The following ZNF18 variants were observed in gnomAD, a reference collection of about 807,000 sequenced individuals.
ZNF18 encodes zinc finger protein 18.
Under a neutral mutation model 58.1 loss-of-function variants are expected in ZNF18, and 42 were observed. That is an observed-to-expected ratio of 0.72 (90% CI 0.56 to 0.93). The LOEUF (loss-of-function observed/expected upper bound fraction) is 0.93, where lower values mean the gene tolerates loss of function less well. Among genes scored for constraint, ZNF18 ranks in the 40% least tolerant of loss-of-function variants. The probability of loss-of-function intolerance (pLI) is 0.00; values close to 1 mark genes in which losing one functional copy is unlikely to be tolerated. For synonymous variants in ZNF18, 231 were observed against 239.8 expected, an observed-to-expected ratio of 0.96 and a Z score of 0.34; for missense variants, 540 against 644.2, an observed-to-expected ratio of 0.84 and a Z score of 1.75.
rs751739674 is a variant in ZNF18 at position 11,978,273 on chromosome 17, A to G, written c.1334T>C (p.Phe445Ser). The stretch of plus-strand genomic sequence containing the variant: ...CTTCACAAAGTCTGAACTCCGCAGA[A>G]AGGCTTTTTTGCAGATGGTGCACTG... ...YFQCTICKKA[F>S]LRSSDFVKHQ... The change falls in exon 7 of 7, where the codon TTT becomes TCT. Residue 445 changes from phenylalanine to serine, a missense_variant. Physicochemically the swap from Phe to Ser is radical, Grantham distance 155. Transcript: ENST00000580306. 1 of 1,608,882 alleles carries G rather than the reference A, an allele frequency of 6.2e-7. No homozygotes were observed. Among genetic ancestry groups the G allele is most frequent in the Non-Finnish European group, 8.5e-7 (1 of 1,178,152 alleles).
the ZNF18 span, chr17:12,020,914 G>GGCGGCTCCGGGGGCGGCA: frequency 5.8e-6 from 7 of 1,216,446 alleles, no homozygotes; most frequent in African/African-American, 7.9e-5. Flanking sequence ...GAGCGGCGGC[G>GGCGGCTCCGGGGGCGGCA]GCGGCTCCGG....
At chr17:11,982,090 C>G (rs559117578) in intron 6 of ZNF18, among the ~76,000 whole-genome samples, 45 of 152,262 alleles carry the variant, frequency 3.0e-4, no homozygotes, top group African/African-American at 1.0e-3. Context: ...CCCCAACCCC[C>G]CTCTCTGCTA....
At chr17:11,984,317 C>T (rs1411637171) in intron 4 of ZNF18, 120 bp from the exon 5 acceptor site, 12 of 935,116 alleles carry the variant, frequency 1.3e-5, no homozygotes, top group Admixed American at 8.5e-5. Flanking sequence ...TCCTGGCCAT[C>T]GCAAGACCTG....
chr17:12,017,877 CAA>C, the ZNF18 span, among the ~76,000 whole-genome samples: 2,177 of 139,932 alleles, frequency 0.016, 48 homozygotes, highest in African/African-American at 0.056. Flanking sequence ...AACACCATCT[CAA>C]AAAAAAAAAA....
chr17:11,996,994 T>C (rs956579628), intron 1 of ZNF18: 1 of 152,262 alleles, frequency 6.6e-6, no homozygotes, highest in East Asian at 1.9e-4. Context: ...GCGCTGCTCA[T>C]TGGATATGTA....
the ZNF18 span, among the ~76,000 whole-genome samples, chr17:12,003,136 GT>G: frequency 6.6e-6 from 1 of 152,180 alleles, no homozygotes; most frequent in African/African-American, 2.4e-5. Context: ...CACGTTTTAT[GT>G]GGGATGTCCT....
the ZNF18 span, among the ~76,000 whole-genome samples, chr17:12,017,518 A>G: frequency 6.6e-6 from 1 of 152,182 alleles, no homozygotes; most frequent in Non-Finnish European, 1.5e-5. Context: ...AGAGGCTGAA[A>G]TTGGGGTCCT....
chr17:11,987,389 A>G (rs1967820922), intron 4 of ZNF18, among the ~76,000 whole-genome samples: 1 of 152,170 alleles, frequency 6.6e-6, no homozygotes, highest in Non-Finnish European at 1.5e-5. Context: ...GATTAGAGGG[A>G]GTGATTAATT....
the ZNF18 span, among the ~76,000 whole-genome samples, chr17:12,018,288 T>A: frequency 6.6e-6 from 1 of 152,262 alleles, no homozygotes; most frequent in Non-Finnish European, 1.5e-5. Context: ...TTTTCTGAAC[T>A]GTGTATTAGT....
At position 11,979,976 on chromosome 17, in the gene ZNF18, G is replaced by A. The variant is rs577885113; in HGVS notation, c.863-1232C>T. ...TCTAATTTGCTTATTGTGTTTTTGC[G>A]ACTACAAATAATGCTGTGATCAGCA... On this transcript the variant is annotated intron_variant, in intron 6 of 6. Coordinates refer to ENST00000580306, the MANE Select transcript of ZNF18 (RefSeq NM_001303281.2). Among the ~76,000 whole-genome samples, 45 of 152,130 alleles carry A rather than the reference G, an allele frequency of 3.0e-4. 1 individual carries two copies. Among genetic ancestry groups the A allele is most frequent in the African/African-American group, 1.1e-3 (44 of 41,500 alleles).
intron 4 of ZNF18, among the ~76,000 whole-genome samples, chr17:11,984,517 G>C (rs200164654): frequency 7.0e-6 from 1 of 143,862 alleles, no homozygotes; most frequent in African/African-American, 2.6e-5. Flanking sequence ...TTTTATTTGG[G>C]TTTTTTTTTT....
upstream of ZNF18, among the ~76,000 whole-genome samples, chr17:11,998,822 C>CTTTTTTTTTTTTTT (rs71142260): frequency 6.4e-5 from 7 of 108,538 alleles, no homozygotes; most frequent in Non-Finnish European, 8.9e-5. Flanking sequence ...AGTTTCTAGT[C>CTTTTTTTTTTTTTT]TTTTTTTTTT....
Position 11,977,676 on chromosome 17 carries a change from C to T in ZNF18, c.*281G>A, listed in dbSNP as rs1319896835. 1 of 326,614 alleles carries T rather than the reference C, an allele frequency of 3.1e-6. No individual in the cohort carries two copies. Among genetic ancestry groups the T allele is most frequent in the Non-Finnish European group, 5.5e-6 (1 of 180,268 alleles). 20.2% of individuals were successfully genotyped at this position (326,614 alleles called of 1,614,324 possible). ...CCAGAAAGCACTTCTAAAACTGGATCTCCAATTTAGACTTTTTCCCCGATG... is the reference window on the plus strand; with the variant it reads ...CCAGAAAGCACTTCTAAAACTGGATTTCCAATTTAGACTTTTTCCCCGATG... On this transcript the variant is annotated 3_prime_UTR_variant, in exon 7 of 7. Coordinates refer to ENST00000580306, the MANE Select transcript of ZNF18 (RefSeq NM_001303281.2).
the ZNF18 span, among the ~76,000 whole-genome samples, chr17:12,019,649 G>A: frequency 8.6e-5 from 13 of 152,040 alleles, no homozygotes; most frequent in Non-Finnish European, 1.5e-4. Flanking sequence ...TGATGTTTAC[G>A]GCTAGCCACT....
At chr17:11,991,976 CAGG>C (rs960245353) in intron 2 of ZNF18, among the ~76,000 whole-genome samples, 4 of 152,136 alleles carry the variant, frequency 2.6e-5, no homozygotes, top group African/African-American at 4.8e-5. Context: ...CGTAGCACGC[CAGG>C]AGAAGCATGG....
At position 11,992,711 on chromosome 17, in the gene ZNF18, G is replaced by A; in HGVS notation, c.119C>T (p.Ala40Val). Residue 40 changes from alanine to valine, a missense_variant, in exon 2 of 7, where the codon GCA becomes GTA. Coordinates refer to ENST00000580306, the MANE Select transcript of ZNF18 (RefSeq NM_001303281.2). ...LQEELSSPET[A>V]RQLFRQFRYQ... ...ACGGAACTGCCTGAAAAGCTGGCGT[G>A]CGGTCTCAGGGCTGGAGAGTTCCTC... 1.2e-6 allele frequency: 2 copies of A among 1,614,252 alleles called. No homozygotes were observed. The highest frequency in any genetic ancestry group is 1.7e-6 in the Non-Finnish European group (2 of 1,180,056).
intron 6 of ZNF18, among the ~76,000 whole-genome samples, chr17:11,981,828 T>G (rs1967378563): frequency 6.6e-6 from 1 of 152,120 alleles, no homozygotes; most frequent in Non-Finnish European, 1.5e-5. Context: ...AAAGCAATAT[T>G]TTCAACCTTT....
chr17:11,979,168 A>G (rs1306010773), intron 6 of ZNF18, among the ~76,000 whole-genome samples: 1 of 152,048 alleles, frequency 6.6e-6, no homozygotes, highest in Admixed American at 6.6e-5. Context: ...TATACAGAAG[A>G]AAACCAAATC....
At chr17:12,005,357 T>C in the ZNF18 span, among the ~76,000 whole-genome samples, 1 of 152,122 alleles carries the variant, frequency 6.6e-6, no homozygotes, top group African/African-American at 2.4e-5. Context: ...AAATATTCCG[T>C]ATAAAAAGTT....
Sources: allele counts gnomAD v4.1 joint callset (sites outside exome capture counted in the v4.1 genomes callset), GRCh38; gene constraint gnomAD v4.1.1; transcripts MANE v1.5; gene names NCBI Gene and HGNC (gene_info 2026-07-23, HGNC 2026-07-21).